NKAIN3: variants seen among roughly 807,000 people sequenced by gnomAD.
The protein encoded by NKAIN3 is sodium/potassium-transporting ATPase subunit beta-1-interacting protein 3.
Under a neutral mutation model 30.2 loss-of-function variants are expected in NKAIN3, and 25 were observed. That is an observed-to-expected ratio of 0.83 (90% CI 0.60 to 1.16). The LOEUF (loss-of-function observed/expected upper bound fraction) is 1.16, where lower values mean the gene tolerates loss of function less well. Ranked by LOEUF, NKAIN3 falls within the 50% of genes most tolerant of loss-of-function variation. The probability of loss-of-function intolerance (pLI) is 0.00; values close to 1 mark genes in which losing one functional copy is unlikely to be tolerated. For missense variants in NKAIN3, 225 were observed against 254.1 expected (o/e 0.89, Z 0.78); for synonymous variants, 91 against 89.6 (o/e 1.02, Z -0.09).
chr8:62,380,773 T>C (rs2129593920), intron 1 of NKAIN3, among the ~76,000 whole-genome samples: 1 of 152,350 alleles, frequency 6.6e-6, no homozygotes, highest in Admixed American at 6.5e-5. Context: ...TAAAATGTTA[T>C]AAAAGCTTTG....
At chr8:62,320,925 T>G (rs1048400995) in intron 1 of NKAIN3, among the ~76,000 whole-genome samples, 2 of 152,220 alleles carry the variant, frequency 1.3e-5, no homozygotes, top group African/African-American at 4.8e-5. Flanking sequence ...TCCTGCAGAG[T>G]GTTTTCCAAC....
intron 4 of NKAIN3, among the ~76,000 whole-genome samples, chr8:62,913,569 T>C (rs1171125550): frequency 1.3e-5 from 2 of 152,226 alleles, no homozygotes; most frequent in African/African-American, 2.4e-5. Flanking sequence ...ACAATCTCTG[T>C]GCAGGATTTA....
At chr8:62,843,071 A>G (rs777261736) in intron 4 of NKAIN3, among the ~76,000 whole-genome samples, 23 of 151,974 alleles carry the variant, frequency 1.5e-4, no homozygotes, top group Non-Finnish European at 2.5e-4. Flanking sequence ...AACCCATGCA[A>G]TGAGAAAAAT....
At chr8:62,642,128 A>C (rs1320193734) in intron 3 of NKAIN3, among the ~76,000 whole-genome samples, 1 of 152,108 alleles carries the variant, frequency 6.6e-6, no homozygotes, top group Non-Finnish European at 1.5e-5. Flanking sequence ...AGAAGTTGAG[A>C]AAATAACGAT....
chr8:62,949,508 A>C (rs746123117), intron 5 of NKAIN3, among the ~76,000 whole-genome samples: 4 of 152,218 alleles, frequency 2.6e-5, no homozygotes, highest in Non-Finnish European at 5.9e-5. Context: ...TTCTGTTACA[A>C]GTAATATTAT....
At chr8:62,635,655 T>C (rs956972041) in intron 3 of NKAIN3, among the ~76,000 whole-genome samples, 4 of 152,120 alleles carry the variant, frequency 2.6e-5, no homozygotes, top group African/African-American at 9.7e-5. Context: ...TTGCCCCTCC[T>C]GTCATGTGAA....
intron 3 of NKAIN3, among the ~76,000 whole-genome samples, chr8:62,700,866 G>T (rs1030300151): frequency 6.6e-6 from 1 of 152,138 alleles, no homozygotes; most frequent in African/African-American, 2.4e-5. Flanking sequence ...GAAAAATATT[G>T]TATTTTTATA....
At chr8:62,939,065 C>G (rs1385659755) in intron 5 of NKAIN3, among the ~76,000 whole-genome samples, 1 of 152,034 alleles carries the variant, frequency 6.6e-6, no homozygotes, top group African/African-American at 2.4e-5. Context: ...AAAACAATCA[C>G]AATTTCTGGA....
At chr8:62,303,679 A>T (rs1457564575) in intron 1 of NKAIN3, among the ~76,000 whole-genome samples, 1 of 150,578 alleles carries the variant, frequency 6.6e-6, no homozygotes, top group Non-Finnish European at 1.5e-5. Flanking sequence ...TGAGAGTTTT[A>T]ATTTGAAAAA....
At chr8:62,291,639 G>A (rs992490517) in intron 1 of NKAIN3, among the ~76,000 whole-genome samples, 2 of 152,174 alleles carry the variant, frequency 1.3e-5, no homozygotes, top group Non-Finnish European at 2.9e-5. Context: ...CATTTGCTGA[G>A]GAGTGCTTTA....
rs1465044790 is a variant in NKAIN3 at position 62,745,186 on chromosome 8, C to G, written c.274-1746C>G. 1.5e-3 allele frequency among the ~76,000 whole-genome samples: 232 copies of G among 152,326 alleles called. 5 individuals are homozygous for G. The highest frequency in any genetic ancestry group is 4.4e-5 in the Non-Finnish European group (3 of 68,030). ...TTCCTCTAAGTTTTCAGAGTTCCAACCTCAATTTCAGGCATTTAGGTGTCT... is the reference window on the plus strand; with the variant it reads ...TTCCTCTAAGTTTTCAGAGTTCCAAGCTCAATTTCAGGCATTTAGGTGTCT... On this transcript the variant is annotated intron_variant, in intron 3 of 6. Transcript: ENST00000623646.
intron 2 of NKAIN3, among the ~76,000 whole-genome samples, chr8:62,582,537 A>G (rs1422255869): frequency 1.3e-5 from 2 of 152,090 alleles, no homozygotes; most frequent in East Asian, 1.9e-4. Flanking sequence ...TGCTCTCAGT[A>G]TGAGAGTGAG....
At chr8:62,998,280 T>G (rs1287162553) in intron 5 of NKAIN3, among the ~76,000 whole-genome samples, 10 of 152,056 alleles carry the variant, frequency 6.6e-5, no homozygotes, top group Non-Finnish European at 1.5e-5. Context: ...CTCTTTTTTT[T>G]TCCCCCACAG....
At chr8:62,558,166 TC>T (rs758515094) in intron 1 of NKAIN3, among the ~76,000 whole-genome samples, 2 of 152,136 alleles carry the variant, frequency 1.3e-5, no homozygotes, top group Non-Finnish European at 2.9e-5. Flanking sequence ...GAATAGGGTG[TC>T]CTTTCCCCAC....
intron 4 of NKAIN3, among the ~76,000 whole-genome samples, chr8:62,839,436 G>A (rs774876623): frequency 2.6e-5 from 4 of 151,868 alleles, no homozygotes; most frequent in Admixed American, 6.6e-5. Context: ...AAACATACCC[G>A]TATTTGAAGC....
intron 1 of NKAIN3, among the ~76,000 whole-genome samples, chr8:62,556,754 A>G (rs1298701990): frequency 1.3e-5 from 2 of 151,980 alleles, no homozygotes; most frequent in Admixed American, 6.6e-5. Context: ...TTGAACTTAT[A>G]TTAATCTAAA....
intron 1 of NKAIN3, among the ~76,000 whole-genome samples, chr8:62,395,121 G>T (rs1373587664): frequency 6.6e-6 from 1 of 151,632 alleles, no homozygotes; most frequent in African/African-American, 2.4e-5. Context: ...GGACAGAGGT[G>T]CTCCTCACTT....
intron 1 of NKAIN3, among the ~76,000 whole-genome samples, chr8:62,395,336 G>A (rs921159442): frequency 2.0e-5 from 3 of 151,972 alleles, no homozygotes; most frequent in African/African-American, 7.3e-5. Flanking sequence ...GGGCAGAGGC[G>A]ACCCTCACTT....
At chr8:62,440,410 A>G (rs1254041826) in intron 1 of NKAIN3, among the ~76,000 whole-genome samples, 2 of 152,192 alleles carry the variant, frequency 1.3e-5, no homozygotes, top group African/African-American at 2.4e-5. Flanking sequence ...GAAAGAATCA[A>G]TTTAACCAAT....
Sources: gnomAD v4.1 joint callset for allele counts (sites outside exome capture counted in the v4.1 genomes callset) on GRCh38, gnomAD v4.1.1 for gene constraint, MANE v1.5 for transcripts, NCBI Gene and HGNC (gene_info 2026-07-23, HGNC 2026-07-21) for gene names.